The following UFC1 variants were observed in gnomAD, a reference collection of about 807,000 sequenced individuals.
UFC1 encodes ubiquitin-fold modifier-conjugating enzyme 1.
UFC1 carries 22 observed loss-of-function variants against 28.0 expected under a neutral mutation model. The observed-to-expected ratio is 0.78, with a 90% CI of 0.56 to 1.12. The LOEUF (loss-of-function observed/expected upper bound fraction) is 1.12. Among genes scored for constraint, UFC1 ranks in the 50% most tolerant of loss-of-function variants. UFC1 has a pLI of 0.00. For missense variants in UFC1, 189 were observed against 207.8 expected (o/e 0.91, Z 0.56); for synonymous variants, 61 against 74.5 (o/e 0.82, Z 0.93).
At chr1:161,154,635 C>A (rs1657457838) in intron 1 of UFC1, among the ~76,000 whole-genome samples, 1 of 152,170 alleles carries the variant, frequency 6.6e-6, no homozygotes, top group Non-Finnish European at 1.5e-5. Context: ...CAGGCGCGCG[C>A]CACCACACCC....
chr1:161,154,274 G>A (rs568653766), intron 1 of UFC1, among the ~76,000 whole-genome samples, 154 bp downstream of exon 1: 1 of 152,186 alleles, frequency 6.6e-6, no homozygotes, highest in African/African-American at 2.4e-5. Context: ...GGGGACTAAG[G>A]AGGGATGGTG....
chr1:161,157,882 C>A, intron 4 of UFC1, 189 bp downstream of exon 4: 1 of 627,992 alleles, frequency 1.6e-6, no homozygotes, highest in Non-Finnish European at 2.8e-6. Flanking sequence ...TGCATGTGTA[C>A]CTCTGAACTT....
rs1019786219 is a variant in UFC1, at chr1:161,154,157, G to A, written c.123+37G>A. On this transcript the variant is annotated intron_variant, in intron 1 of 5. Coordinates refer to ENST00000368003, the MANE Select transcript of UFC1 (RefSeq NM_016406.4). ...TTCTACAGTCTAACGCGTAGCATAA[G>A]GGTTGGGAGAAATCAGGTGTCCTCA... is the stretch of plus-strand genomic sequence containing the variant. 6.2e-6 allele frequency: 10 copies of A among 1,610,498 alleles called. 1 individual carries two copies. The highest frequency in any genetic ancestry group is 1.6e-4 in the Middle Eastern group (1 of 6,068).
At chr1:161,154,559 A>G (rs1234189979) in intron 1 of UFC1, among the ~76,000 whole-genome samples, 2 of 152,082 alleles carry the variant, frequency 1.3e-5, no homozygotes, top group Non-Finnish European at 2.9e-5. Flanking sequence ...ATCTCGGCTC[A>G]CTGCAACCTC....
intron 4 of UFC1, 83 bp from the exon 5 acceptor site, chr1:161,158,035 CTAG>C: frequency 4.2e-6 from 5 of 1,181,448 alleles, no homozygotes; most frequent in Non-Finnish European, 6.3e-6. Context: ...ATTCTGATCA[CTAG>C]TAGTCTTCCT....
chr1:161,157,555 C>A lies in UFC1; in HGVS notation c.256-62C>A, dbSNP rs1388338759. The A allele has an allele frequency of 2.7e-6, 4 of 1,498,970 alleles. No individual in the cohort carries two copies. The African/African-American group carries it at 4.2e-5, about 16-fold the overall frequency. The allele number at this position is 1,498,970 out of a possible 1,614,324, so 92.9% of individuals were successfully genotyped here. A position where few individuals can be genotyped will look rare whatever the true frequency, so the allele number is the denominator to read the frequency against. On this transcript the variant is annotated intron_variant, in intron 3 of 5. Coordinates refer to ENST00000368003, the MANE Select transcript of UFC1 (RefSeq NM_016406.4). Reference sequence around the variant, plus strand: ...CAGTTTAACCAAGAAATATGTATGTCTGATTATATTAGTTCCTTTCTATCC... The same window carrying A: ...CAGTTTAACCAAGAAATATGTATGTATGATTATATTAGTTCCTTTCTATCC...
intron 5 of UFC1, 38 bp downstream of exon 5, chr1:161,158,249 G>A (rs1657608132): frequency 9.4e-6 from 15 of 1,604,226 alleles, no homozygotes; most frequent in Non-Finnish European, 1.1e-5. Context: ...GAGAAAGAGG[G>A]ACTTAGGCCC....
rs1471610523 is a variant in UFC1 at position 161,156,845 on chromosome 1, T to TAAAAATA, written c.124-92_124-86dup. On this transcript the variant is annotated intron_variant, in intron 1 of 5. Coordinates refer to ENST00000368003, the MANE Select transcript of UFC1 (RefSeq NM_016406.4). ...CGACGGGAGCGAGATTCCATCTCAA[T>TAAAAATA]AAAAATAAAAAATAAAAAAAATAAC... The TAAAAATA allele has an allele frequency of 1.9e-5, 20 of 1,064,014 alleles. No homozygotes were observed. The South Asian group carries it at 2.9e-4, about 15-fold the overall frequency. The allele number at this position is 1,064,014 out of a possible 1,614,324, so 65.9% of individuals were successfully genotyped here.
chr1:161,157,980 T>G (rs1329806806), intron 4 of UFC1, 141 bp from the exon 5 acceptor site: 2 of 731,746 alleles, frequency 2.7e-6, no homozygotes, highest in Non-Finnish European at 4.5e-6. Flanking sequence ...TGCCAGGCCC[T>G]CCTTTGCTGA....
rs745871078 is a variant in UFC1 at position 161,157,018 on chromosome 1, G to A, written c.191+1G>A. The A allele has an allele frequency of 6.2e-6, 10 of 1,614,072 alleles. No homozygotes were observed. Among genetic ancestry groups the A allele is most frequent in the Non-Finnish European group, 8.5e-6 (10 of 1,179,948 alleles). On this transcript the variant is annotated splice_donor_variant, in intron 2 of 5. Coordinates refer to ENST00000368003, the MANE Select transcript of UFC1 (RefSeq NM_016406.4). LOFTEE classifies it high-confidence loss of function. ...TGGAGTCCAACAAGGAAGGAACTCG[G>A]TAGGTAGACCCTCTTGGGAGGTGTG...
chr1:161,157,458 G>A, intron 3 of UFC1, 141 bp downstream of exon 3: 1 of 1,314,578 alleles, frequency 7.6e-7, no homozygotes, highest in Non-Finnish European at 1.1e-6. Flanking sequence ...GCAAGCATAA[G>A]TTATATTTAC....
At position 161,156,968 on chromosome 1, in the gene UFC1, A is replaced by G. The variant is rs1413969331; in HGVS notation, c.142A>G (p.Asn48Asp). The change falls in exon 2 of 6, where the codon AAT becomes GAT. Residue 48 changes from asparagine (N) to aspartate (D), a missense_variant. Coordinates refer to ENST00000368003, the MANE Select transcript of UFC1 (RefSeq NM_016406.4). Reference sequence around the variant, plus strand: ...CTTTCAGTATGTGGAGAACAACAAGAATGCTGACAACGATTGGTTCCGACT... The same window carrying G: ...CTTTCAGTATGTGGAGAACAACAAGGATGCTGACAACGATTGGTTCCGACT... ...SLIRYVENNK[N>D]ADNDWFRLES... 4 of 1,614,114 alleles carry G rather than the reference A, an allele frequency of 2.5e-6. No individual in the cohort carries two copies. The African/African-American group carries it at 5.3e-5, about 22-fold the overall frequency.
At chr1:161,158,322 T>C in intron 5 of UFC1, 90 bp from the exon 6 acceptor site, 1 of 1,578,172 alleles carries the variant, frequency 6.3e-7, no homozygotes, top group Non-Finnish European at 8.7e-7. Flanking sequence ...TTAAGCATGT[T>C]CCCCCAGAAT....
At chr1:161,157,095 C>G (rs1217999394) in intron 2 of UFC1, 78 bp downstream of exon 2, 8 of 1,514,944 alleles carry the variant, frequency 5.3e-6, no homozygotes, top group South Asian at 1.1e-5. Flanking sequence ...CGCCCACTAC[C>G]AAAGCTGCCC....
intron 1 of UFC1, among the ~76,000 whole-genome samples, chr1:161,155,222 A>AGGGG (rs1323493884): frequency 6.6e-6 from 1 of 152,214 alleles, no homozygotes; most frequent in East Asian, 1.9e-4. Context: ...GTTTCCTGGA[A>AGGGG]GAGGTAATGC....
chr1:161,158,320 G>A, intron 5 of UFC1, 92 bp from the exon 6 acceptor site: 2 of 1,579,274 alleles, frequency 1.3e-6, no homozygotes, highest in Non-Finnish European at 1.7e-6. Flanking sequence ...CCTTAAGCAT[G>A]TTCCCCCAGA....
chr1:161,158,322 T>G (rs189597204), intron 5 of UFC1, 90 bp from the exon 6 acceptor site: 1 of 1,578,172 alleles, frequency 6.3e-7, no homozygotes, highest in African/African-American at 1.3e-5. Flanking sequence ...TTAAGCATGT[T>G]CCCCCAGAAT....
At chr1:161,156,850 AT>A in intron 1 of UFC1, 99 bp from the exon 2 acceptor site, 1 of 1,098,440 alleles carries the variant, frequency 9.1e-7, no homozygotes, top group Non-Finnish European at 1.3e-6. Flanking sequence ...CTCAATAAAA[AT>A]AAAAAATAAA....
chr1:161,156,907 T>C, intron 1 of UFC1, 43 bp from the exon 2 acceptor site: 1 of 1,563,680 alleles, frequency 6.4e-7, no homozygotes, highest in Non-Finnish European at 8.8e-7. Flanking sequence ...GGACTGCCCT[T>C]GGCCCCAACT....
Sources: gnomAD v4.1 joint callset for allele counts (sites outside exome capture counted in the v4.1 genomes callset) on GRCh38, gnomAD v4.1.1 for gene constraint, MANE v1.5 for transcripts, NCBI Gene and HGNC (gene_info 2026-07-23, HGNC 2026-07-21) for gene names.